ADD3: variants seen among roughly 807,000 people sequenced by gnomAD.
The protein encoded by ADD3 is adducin 3, also known as gamma-adducin.
A neutral mutation model predicts 80.2 loss-of-function variants in ADD3; 25 were observed. The observed-to-expected ratio is 0.31, with a 90% CI of 0.23 to 0.44. The LOEUF (loss-of-function observed/expected upper bound fraction) is 0.44. ADD3 is among the 20% of genes least tolerant of loss of function. ADD3 has a pLI of 1.00. For synonymous variants in ADD3, 284 were observed against 289.6 expected (o/e 0.98, Z 0.20); for missense variants, 829 against 847.5 (o/e 0.98, Z 0.27).
chr10:110,083,605 A>G (rs1226659894), intron 1 of ADD3, among the ~76,000 whole-genome samples: 1 of 152,158 alleles, frequency 6.6e-6, no homozygotes, highest in African/African-American at 2.4e-5. Flanking sequence ...TTCCCTCTAA[A>G]CCTAATTAAT....
intron 1 of ADD3, among the ~76,000 whole-genome samples, chr10:110,075,234 T>C (rs1479997724): frequency 6.6e-6 from 1 of 152,208 alleles, no homozygotes; most frequent in East Asian, 1.9e-4. Flanking sequence ...CTAAATCTGA[T>C]ATCATTGGCA....
rs7090030 is a variant in ADD3 at position 110,100,915 on chromosome 10, T to G, written c.195+67T>G. 0.031 allele frequency: 43,578 copies of G among 1,427,598 alleles called. 8,989 individuals carry two copies. In the African/African-American group the frequency reaches 0.5, roughly 16 times the overall value. The allele number at this position is 1,427,598 out of a possible 1,614,324, so 88.4% of individuals were successfully genotyped here. A position where few individuals can be genotyped will look rare whatever the true frequency, so the allele number is the denominator to read the frequency against. ...AAATGTTAGTATAATAAGGTAGAAG[T>G]TTTCTCAAACTACCCTCAGGTTAAA... On this transcript the variant is annotated intron_variant, in intron 2 of 14. Coordinates refer to ENST00000356080, the MANE Select transcript of ADD3 (RefSeq NM_016824.5).
intron 9 of ADD3, among the ~76,000 whole-genome samples, chr10:110,123,579 G>T (rs1233584776): frequency 2.6e-5 from 4 of 152,014 alleles, no homozygotes; most frequent in African/African-American, 9.7e-5. Context: ...ATATATTTTG[G>T]ATAGTAACCC....
In ADD3 at chr10:110,045,179, C is replaced by T. The variant is rs146930260; in HGVS notation, c.-30+36880C>T. Among the ~76,000 whole-genome samples, 122 of 152,236 alleles carry T rather than the reference C, an allele frequency of 8.0e-4. No homozygotes were observed. The East Asian group carries it at 0.013, about 17-fold the overall frequency. On this transcript the variant is annotated intron_variant, in intron 1 of 14. Transcript: ENST00000356080. ...GACCAGCCTGGCCAACATAGTGAAA[C>T]CCCGTCTCTACTAAAAATACAAAAA...
At chr10:110,069,187 C>T (rs941141520) in intron 1 of ADD3, among the ~76,000 whole-genome samples, 3 of 152,094 alleles carry the variant, frequency 2.0e-5, no homozygotes, top group Non-Finnish European at 4.4e-5. Context: ...AATAATCCTA[C>T]CTTAATTTTT....
chr10:110,061,064 A>G lies in ADD3; in HGVS notation c.-29-39561A>G, dbSNP rs570016227. Among the ~76,000 whole-genome samples the G allele has an allele frequency of 3.2e-4, 48 of 152,332 alleles. 2 individuals carry two copies. In the South Asian group the frequency reaches 9.7e-3, roughly 31 times the overall value. On this transcript the variant is annotated intron_variant, in intron 1 of 14. Transcript: ENST00000356080. ...TGAGCCTGAGCTTTGTGCTATGACT[A>G]TGTTGTCCCTCTCATTGTATTAGTG...
Position 110,118,586 on chromosome 10 carries a change from G to A in ADD3, c.568-1G>A. On this transcript the variant is annotated splice_acceptor_variant, in intron 5 of 14. Transcript: ENST00000356080. LOFTEE classifies it high-confidence loss of function. Reference sequence around the variant, plus strand: ...AAATATGTCCTTCTGATTTTTTCCAGGTGAAAGTCAATATAATAGGAGAAG... The same window carrying A: ...AAATATGTCCTTCTGATTTTTTCCAAGTGAAAGTCAATATAATAGGAGAAG... 1 of 1,613,498 alleles carries A rather than the reference G, an allele frequency of 6.2e-7. No homozygotes were observed. Among genetic ancestry groups the A allele is most frequent in the East Asian group, 2.2e-5 (1 of 44,860 alleles).
At chr10:110,031,187 T>C (rs1020751063) in intron 1 of ADD3, among the ~76,000 whole-genome samples, 1 of 152,148 alleles carries the variant, frequency 6.6e-6, no homozygotes. Flanking sequence ...GGCAGGAGAA[T>C]CCCTTGAACC....
intron 1 of ADD3, among the ~76,000 whole-genome samples, chr10:110,013,294 G>A (rs944296364): frequency 1.3e-5 from 2 of 152,062 alleles, no homozygotes; most frequent in African/African-American, 4.8e-5. Flanking sequence ...GTAGAGATGG[G>A]GTTTTGCCAT....
intron 8 of ADD3, among the ~76,000 whole-genome samples, chr10:110,121,627 C>G (rs1180289626): frequency 6.6e-6 from 1 of 152,174 alleles, no homozygotes; most frequent in Non-Finnish European, 1.5e-5. Context: ...TAACAATCAA[C>G]TTATTTTTGC....
intron 1 of ADD3, among the ~76,000 whole-genome samples, chr10:110,055,274 T>G (rs756352588): frequency 1.3e-5 from 2 of 152,106 alleles, no homozygotes; most frequent in African/African-American, 2.4e-5. Context: ...CCATAGAAAA[T>G]AGTGGTAAAG....
chr10:110,045,690 C>T (rs570377277), intron 1 of ADD3, among the ~76,000 whole-genome samples: 1 of 152,144 alleles, frequency 6.6e-6, no homozygotes, highest in Admixed American at 6.5e-5. Flanking sequence ...AAAATATACA[C>T]ATATCTATTA....
chr10:110,019,248 A>C (rs1853365248), intron 1 of ADD3, among the ~76,000 whole-genome samples: 1 of 152,032 alleles, frequency 6.6e-6, no homozygotes, highest in African/African-American at 2.4e-5. Flanking sequence ...GATTTGTTCC[A>C]AAGTGTCTCA....
intron 1 of ADD3, among the ~76,000 whole-genome samples, chr10:109,997,916 G>A (rs10509906): frequency 3.3e-5 from 5 of 151,920 alleles, no homozygotes; most frequent in African/African-American, 9.7e-5. Flanking sequence ...ATCTAAATCC[G>A]GGCGGTTTTC....
intron 1 of ADD3, among the ~76,000 whole-genome samples, chr10:110,084,200 T>C (rs931667376): frequency 2.0e-5 from 3 of 152,198 alleles, no homozygotes; most frequent in Non-Finnish European, 4.4e-5. Context: ...TGAATTACCA[T>C]GAAAGCTTGA....
intron 1 of ADD3, among the ~76,000 whole-genome samples, chr10:110,063,780 T>TAAATAA (rs1279700118): frequency 4.4e-5 from 5 of 112,578 alleles, no homozygotes; most frequent in African/African-American, 1.7e-4. Context: ...TATATATATA[T>TAAATAA]ATAAAGTGAA....
chr10:110,086,613 T>C (rs1846795247), intron 1 of ADD3, among the ~76,000 whole-genome samples: 1 of 152,132 alleles, frequency 6.6e-6, no homozygotes. Context: ...TGGTTAAAAG[T>C]GTGTATGTAG....
At chr10:110,001,414 CAAAAAA>C (rs35498781), upstream of ADD3, among the ~76,000 whole-genome samples, 1 of 120,294 alleles carries the variant, frequency 8.3e-6, no homozygotes, top group African/African-American at 3.4e-5. Flanking sequence ...GACCCTGTCT[CAAAAAA>C]AAAAAAAAAA....
chr10:110,119,685 C>A, intron 8 of ADD3, 121 bp downstream of exon 8: 1 of 784,720 alleles, frequency 1.3e-6, no homozygotes, highest in Non-Finnish European at 2.1e-6. Flanking sequence ...AGAAGTTCTG[C>A]TCTACTTATG....
Sources: gnomAD v4.1 joint callset for allele counts (sites outside exome capture counted in the v4.1 genomes callset) on GRCh38, gnomAD v4.1.1 for gene constraint, MANE v1.5 for transcripts, NCBI Gene and HGNC (gene_info 2026-07-23, HGNC 2026-07-21) for gene names.